PRKG1: variants seen among roughly 807,000 people sequenced by gnomAD.
The protein encoded by PRKG1 is cGMP-dependent protein kinase 1.
Under a neutral mutation model 88.1 loss-of-function variants are expected in PRKG1, and 35 were observed. The ratio of observed to expected loss-of-function variants is 0.40; its 90% confidence interval spans 0.30 to 0.53. The LOEUF is 0.53. Among genes scored for constraint, PRKG1 ranks in the 20% least tolerant of loss-of-function variants. PRKG1 has a pLI of 0.59. For missense variants in PRKG1, 540 were observed against 839.8 expected (o/e 0.64, Z 4.41); for synonymous variants, 303 against 292.5 (o/e 1.04, Z -0.37).
chr10:51,914,466 C>G (rs1344384086), intron 5 of PRKG1, among the ~76,000 whole-genome samples: 1 of 152,150 alleles, frequency 6.6e-6, no homozygotes, highest in African/African-American at 2.4e-5. Flanking sequence ...ATTAAGTCAA[C>G]AAATTCACTT....
At chr10:51,004,829 A>G (rs916477939) in intron 1 of PRKG1, among the ~76,000 whole-genome samples, 1 of 152,206 alleles carries the variant, frequency 6.6e-6, no homozygotes, top group Admixed American at 6.5e-5. Context: ...CTCTTAAATA[A>G]AATAACCACA....
chr10:51,686,216 C>T (rs977852174), intron 3 of PRKG1, among the ~76,000 whole-genome samples: 22 of 152,044 alleles, frequency 1.4e-4, no homozygotes, highest in South Asian at 4.1e-4. Context: ...CTGCGTGTCG[C>T]GGGGCTTTGG....
intron 1 of PRKG1, among the ~76,000 whole-genome samples, chr10:51,063,987 T>C (rs1343099165): frequency 6.6e-6 from 1 of 152,116 alleles, no homozygotes; most frequent in Admixed American, 6.5e-5. Context: ...AAATGAGTCA[T>C]GTAAAGAAGG....
intron 3 of PRKG1, among the ~76,000 whole-genome samples, chr10:51,662,947 A>G (rs1840335882): frequency 1.3e-5 from 2 of 152,110 alleles, no homozygotes; most frequent in South Asian, 4.1e-4. Flanking sequence ...CTAGTTTGTG[A>G]AAGACTTAGT....
At chr10:51,258,704 T>C (rs1237762430) in intron 2 of PRKG1, among the ~76,000 whole-genome samples, 1 of 152,252 alleles carries the variant, frequency 6.6e-6, no homozygotes, top group Admixed American at 6.5e-5. Flanking sequence ...ATCAGAGCTC[T>C]CAGGACCATT....
At chr10:51,211,891 C>T (rs1223325189) in intron 2 of PRKG1, among the ~76,000 whole-genome samples, 1 of 152,118 alleles carries the variant, frequency 6.6e-6, no homozygotes, top group South Asian at 2.1e-4. Context: ...GCCATACTGC[C>T]CAAGGTAATT....
chr10:52,023,319 T>C (rs1359667637), intron 5 of PRKG1, among the ~76,000 whole-genome samples: 1 of 152,226 alleles, frequency 6.6e-6, no homozygotes, highest in Non-Finnish European at 1.5e-5. Flanking sequence ...CTATCATAGA[T>C]GGGCATTTGG....
intron 2 of PRKG1, among the ~76,000 whole-genome samples, chr10:51,457,248 A>G (rs1839609991): frequency 6.6e-6 from 1 of 152,220 alleles, no homozygotes; most frequent in African/African-American, 2.4e-5. Context: ...ACTCAGCTGT[A>G]AAACAAAATG....
intron 5 of PRKG1, among the ~76,000 whole-genome samples, chr10:51,990,602 C>T (rs1844279821): frequency 6.6e-6 from 1 of 151,892 alleles, no homozygotes; most frequent in Admixed American, 6.6e-5. Context: ...ATTACATGTG[C>T]AAGTTTGTTA....
At chr10:52,143,082 A>G (rs540455556) in intron 8 of PRKG1, among the ~76,000 whole-genome samples, 1 of 152,256 alleles carries the variant, frequency 6.6e-6, no homozygotes, top group Admixed American at 6.5e-5. Context: ...AGGGGACTGG[A>G]ATAATAAGGG....
rs553531988 is a variant in PRKG1 at position 52,183,855 on chromosome 10, T to C, written c.1076+21892T>C. ...AACTGAGCTCTGGGCTTGCAATGAC[T>C]ATGGGATTCTCTGTAATATGAATTA... On this transcript the variant is annotated intron_variant, in intron 9 of 17. Transcript: ENST00000373980. Among the ~76,000 whole-genome samples the C allele has an allele frequency of 1.9e-3, 293 of 152,352 alleles. No homozygotes were observed. The Middle Eastern group carries it at 0.037, about 19-fold the overall frequency.
At chr10:51,252,128 A>T (rs1364234282) in intron 2 of PRKG1, among the ~76,000 whole-genome samples, 1 of 151,804 alleles carries the variant, frequency 6.6e-6, no homozygotes, top group Admixed American at 6.6e-5. Context: ...ATCAGACCAT[A>T]TACTGGCACA....
intron 6 of PRKG1, among the ~76,000 whole-genome samples, chr10:52,061,257 A>G: frequency 6.6e-6 from 1 of 152,062 alleles, no homozygotes; most frequent in East Asian, 1.9e-4. Flanking sequence ...ATAATAATTG[A>G]ATTTCCTCCA....
At chr10:51,682,476 A>G (rs902876174) in intron 3 of PRKG1, among the ~76,000 whole-genome samples, 1 of 151,806 alleles carries the variant, frequency 6.6e-6, no homozygotes, top group African/African-American at 2.4e-5. Flanking sequence ...CCATCTTCTA[A>G]CCCTCTCTTT....
chr10:52,035,323 G>T (rs1023624776), intron 5 of PRKG1, among the ~76,000 whole-genome samples: 1 of 152,080 alleles, frequency 6.6e-6, no homozygotes, highest in East Asian at 1.9e-4. Flanking sequence ...GTGTAGGGAA[G>T]GAAGGGGGCC....
chr10:51,692,001 A>G (rs191861428), intron 3 of PRKG1, among the ~76,000 whole-genome samples: 6 of 152,340 alleles, frequency 3.9e-5, no homozygotes, highest in Admixed American at 2.6e-4. Flanking sequence ...ATGATTGATA[A>G]GCATAAAAAG....
intron 9 of PRKG1, among the ~76,000 whole-genome samples, chr10:52,219,610 T>C (rs1840194347): frequency 6.7e-6 from 1 of 149,530 alleles, no homozygotes; most frequent in African/African-American, 2.5e-5. Context: ...GAGATGTAGT[T>C]GGGAAGAAAT....
At chr10:51,822,871 C>T (rs140702886) in intron 4 of PRKG1, among the ~76,000 whole-genome samples, 1 of 152,214 alleles carries the variant, frequency 6.6e-6, no homozygotes, top group African/African-American at 2.4e-5. Context: ...TTGCATACAG[C>T]TGATTTTTCC....
intron 3 of PRKG1, among the ~76,000 whole-genome samples, chr10:51,506,896 C>G (rs887371829): frequency 1.3e-5 from 2 of 152,108 alleles, no homozygotes; most frequent in East Asian, 3.9e-4. Flanking sequence ...GACTTGGAAC[C>G]AAGACAAATG....
Sources: gnomAD v4.1 joint callset for allele counts (sites outside exome capture counted in the v4.1 genomes callset) on GRCh38, gnomAD v4.1.1 for gene constraint, MANE v1.5 for transcripts, NCBI Gene and HGNC (gene_info 2026-07-23, HGNC 2026-07-21) for gene names.